EGF: variants seen among roughly 807,000 people sequenced by gnomAD.
EGF encodes the protein epidermal growth factor, also known as pro-epidermal growth factor.
Under a neutral mutation model 143.8 loss-of-function variants are expected in EGF, and 95 were observed. That is an observed-to-expected ratio of 0.66 (90% CI 0.56 to 0.78). The LOEUF is 0.78. Ranked by LOEUF, EGF falls within the 30% of genes least tolerant of loss-of-function variation. EGF has a pLI of 0.00. For missense variants in EGF, 1,320 were observed against 1,470.9 expected (o/e 0.90, Z 1.68); for synonymous variants, 510 against 510.5 (o/e 1.00, Z 0.01).
In EGF at chr4:109,969,744, T is replaced by C. The variant is rs2298988; in HGVS notation, c.1724+625T>C. On this transcript the variant is annotated intron_variant, in intron 11 of 23. Coordinates refer to ENST00000265171, the MANE Select transcript of EGF (RefSeq NM_001963.6). ...ACTTTCTCCGAAGTCACATGGGAGA[T>C]ACAGAGGAGCCTAAGATGTGCTCCA... 0.013 allele frequency among the ~76,000 whole-genome samples: 1,974 copies of C among 152,272 alleles called. 202 individuals are homozygous for C. In the East Asian group the frequency reaches 0.23, roughly 18 times the overall value.
At position 110,008,248 on chromosome 4, in the gene EGF, GCTCC is replaced by G. The variant is rs765585269; in HGVS notation, c.3370+19_3370+22del. The G allele has an allele frequency of 6.2e-7, 1 of 1,613,734 alleles. No individual in the cohort carries two copies. Among genetic ancestry groups the G allele is most frequent in the African/African-American group, 1.3e-5 (1 of 74,980 alleles). On this transcript the variant is annotated intron_variant, in intron 23 of 23. Transcript: ENST00000265171. ...AGCAGATGGTCAGTTTTTATCCCTG[GCTCC>G]TGGTGAATGGTTATTTTTACTTAGA...
Position 110,012,119 on chromosome 4 carries a change from C to T in EGF, c.*664C>T, listed in dbSNP as rs1026902314. 1 of 152,106 alleles carries T rather than the reference C, an allele frequency of 6.6e-6. No homozygotes were observed. Among genetic ancestry groups the T allele is most frequent in the Admixed American group, 6.5e-5 (1 of 15,274 alleles). 9.4% of individuals were successfully genotyped at this position (152,106 alleles called of 1,614,324 possible). ...TTCTTAGTCATTACTGTCCTTTTCCCCTACAGAATTTTCCCTCTTGGTGTG... is the reference window on the plus strand; with the variant it reads ...TTCTTAGTCATTACTGTCCTTTTCCTCTACAGAATTTTCCCTCTTGGTGTG... On this transcript the variant is annotated 3_prime_UTR_variant, in exon 24 of 24. Transcript: ENST00000265171.
chr4:109,969,133 T>C lies in EGF; in HGVS notation c.1724+14T>C, dbSNP rs746225447. The C allele has an allele frequency of 6.2e-7, 1 of 1,614,134 alleles. No homozygotes were observed. Among genetic ancestry groups the C allele is most frequent in the Non-Finnish European group, 8.5e-7 (1 of 1,179,994 alleles). On this transcript the variant is annotated intron_variant, in intron 11 of 23. Coordinates refer to ENST00000265171, the MANE Select transcript of EGF (RefSeq NM_001963.6). ...GACAGACAGAGGGTATGTTTTCTGC[T>C]TCAGTTTTAAGCTGTGTGAGATGGG...
At chr4:109,977,040 T>C (rs890412337) in intron 13 of EGF, among the ~76,000 whole-genome samples, 1 of 152,212 alleles carries the variant, frequency 6.6e-6, no homozygotes, top group Non-Finnish European at 1.5e-5. Context: ...CTATAGTGGT[T>C]GTCCAGGCAA....
At chr4:110,010,815 C>T (rs1471810988) in intron 23 of EGF, among the ~76,000 whole-genome samples, 1 of 152,120 alleles carries the variant, frequency 6.6e-6, no homozygotes, top group African/African-American at 2.4e-5. Flanking sequence ...AATTCTAGCA[C>T]TTTGTGAGGT....
intron 1 of EGF, among the ~76,000 whole-genome samples, chr4:109,932,864 G>C (rs543074189): frequency 6.6e-6 from 1 of 152,204 alleles, no homozygotes; most frequent in South Asian, 2.1e-4. Flanking sequence ...CCACGAATTA[G>C]TAGCTATGAG....
rs947468484 is a variant in EGF at position 109,968,163 on chromosome 4, G to A, written c.1576-808G>A. On this transcript the variant is annotated intron_variant, in intron 10 of 23. Transcript: ENST00000265171. ...TTTTTCAGTTCCATTATCATCTTAC[G>A]GAATCACCATCGTATATGCAGTTCA... Among the ~76,000 whole-genome samples the A allele has an allele frequency of 2.5e-4, 38 of 151,986 alleles. 1 individual carries two copies. Among genetic ancestry groups the A allele is most frequent in the Admixed American group, 2.0e-3 (30 of 15,254 alleles).
intron 5 of EGF, among the ~76,000 whole-genome samples, chr4:109,949,446 G>A (rs1743438197): frequency 6.6e-6 from 1 of 152,152 alleles, no homozygotes; most frequent in South Asian, 2.1e-4. Context: ...TAGAGATGAT[G>A]TGTTCAATAA....
intron 1 of EGF, among the ~76,000 whole-genome samples, chr4:109,925,486 T>C (rs1414661654): frequency 9.9e-5 from 15 of 152,198 alleles, no homozygotes; most frequent in Admixed American, 9.8e-4. Flanking sequence ...GAGGTAAGTA[T>C]TACTATTATT....
At chr4:109,920,181 C>T (rs1170092489) in intron 1 of EGF, among the ~76,000 whole-genome samples, 1 of 151,596 alleles carries the variant, frequency 6.6e-6, no homozygotes, top group Admixed American at 6.6e-5. Context: ...AAAATCTGTT[C>T]GAAGTCCTTA....
At chr4:109,991,153 C>T (rs942177202) in intron 18 of EGF, among the ~76,000 whole-genome samples, 3 of 152,138 alleles carry the variant, frequency 2.0e-5, no homozygotes, top group African/African-American at 2.4e-5. Context: ...TAAAATGAAA[C>T]AGGTGAAATG....
At chr4:110,001,537 A>G in intron 21 of EGF, 1 of 900,826 alleles carries the variant, frequency 1.1e-6, no homozygotes, top group Non-Finnish European at 1.3e-6. Flanking sequence ...CAGGAAAAAA[A>G]AATGGAAACT....
At chr4:109,926,651 T>G (rs1738722751) in intron 1 of EGF, among the ~76,000 whole-genome samples, 2 of 152,078 alleles carry the variant, frequency 1.3e-5, no homozygotes, top group South Asian at 4.1e-4. Context: ...GCCACTGCAC[T>G]CGGCCGTGAC....
intron 11 of EGF, among the ~76,000 whole-genome samples, chr4:109,970,792 TCCAGCCTG>T (rs1378503088): frequency 7.9e-6 from 1 of 126,382 alleles, no homozygotes; most frequent in Non-Finnish European, 1.5e-5. Flanking sequence ...ACCACTGCAC[TCCAGCCTG>T]GGTGGCAGAG....
intron 18 of EGF, 141 bp downstream of exon 18, chr4:109,988,850 T>A: frequency 7.8e-7 from 1 of 1,284,726 alleles, no homozygotes; most frequent in Non-Finnish European, 1.1e-6. Flanking sequence ...TGCGACCTGC[T>A]CAAACTGACG....
chr4:110,000,209 C>G (rs1302001682), intron 21 of EGF, among the ~76,000 whole-genome samples: 6 of 149,700 alleles, frequency 4.0e-5, no homozygotes, highest in African/African-American at 1.5e-4. Flanking sequence ...CAAGATCATG[C>G]CACTCCACTC....
chr4:109,967,924 A>G (rs1026458882), intron 10 of EGF, among the ~76,000 whole-genome samples: 3 of 152,158 alleles, frequency 2.0e-5, no homozygotes, highest in Non-Finnish European at 4.4e-5. Flanking sequence ...TTAAAATGAT[A>G]CACCTTTATA....
chr4:109,943,162 TAAAAG>T, intron 2 of EGF, 87 bp from the exon 3 acceptor site: 1 of 922,030 alleles, frequency 1.1e-6, no homozygotes, highest in South Asian at 2.0e-5. Context: ...GACAAATACT[TAAAAG>T]AATAGACTTT....
chr4:109,956,737 A>G (rs886924694), intron 5 of EGF, among the ~76,000 whole-genome samples: 6 of 152,262 alleles, frequency 3.9e-5, no homozygotes, highest in African/African-American at 1.4e-4. Flanking sequence ...AGACCATTCA[A>G]TGTAAATCTT....
Sources: gnomAD v4.1 joint callset for allele counts (sites outside exome capture counted in the v4.1 genomes callset) on GRCh38, gnomAD v4.1.1 for gene constraint, MANE v1.5 for transcripts, NCBI Gene and HGNC (gene_info 2026-07-23, HGNC 2026-07-21) for gene names.